GPR158: variants seen among roughly 807,000 people sequenced by gnomAD.
GPR158 encodes metabotropic glycine receptor.
Under a neutral mutation model 78.2 loss-of-function variants are expected in GPR158, and 30 were observed. That is an observed-to-expected ratio of 0.38 (90% CI 0.29 to 0.52). The LOEUF is 0.52. GPR158 is among the 20% of genes least tolerant of loss of function. The pLI, the probability that GPR158 is intolerant of heterozygous loss-of-function variation, is 0.83. For missense variants in GPR158, 1,463 were observed against 1,523.5 expected (o/e 0.96, Z 0.66); for synonymous variants, 581 against 591.1 (o/e 0.98, Z 0.25).
intron 1 of GPR158, among the ~76,000 whole-genome samples, chr10:25,217,820 C>G (rs2130678457): frequency 6.6e-6 from 1 of 152,270 alleles, no homozygotes; most frequent in Middle Eastern, 3.4e-3. Flanking sequence ...TGTAGCTAAG[C>G]ACCCAGGTGT....
chr10:25,427,340 T>C (rs1234726354), intron 4 of GPR158, among the ~76,000 whole-genome samples: 1 of 152,100 alleles, frequency 6.6e-6, no homozygotes, highest in Non-Finnish European at 1.5e-5. Flanking sequence ...TACTCCTACC[T>C]CTTGCTACAC....
At chr10:25,521,606 T>C (rs1836275629) in intron 5 of GPR158, among the ~76,000 whole-genome samples, 2 of 152,226 alleles carry the variant, frequency 1.3e-5, no homozygotes, top group African/African-American at 4.8e-5. Context: ...AAGAACCTTG[T>C]ATTGTCATAT....
chr10:25,442,879 T>A (rs1835086821), intron 4 of GPR158, among the ~76,000 whole-genome samples: 1 of 152,114 alleles, frequency 6.6e-6, no homozygotes, highest in South Asian at 2.1e-4. Flanking sequence ...CTCCTTCAAT[T>A]TATTCTTCAC....
rs773861324 is a variant in GPR158, at chr10:25,175,620, G to A, written c.200G>A (p.Gly67Asp). The A allele has an allele frequency of 5.6e-6, 9 of 1,611,046 alleles. No individual in the cohort carries two copies. Among genetic ancestry groups the A allele is most frequent in the Non-Finnish European group, 7.6e-6 (9 of 1,179,916 alleles). Residue 67 changes from glycine to aspartate, a missense_variant, in exon 1 of 11, where the codon GGC (glycine) becomes GAC (aspartate). Physicochemically the swap from Gly to Asp is moderately conservative, Grantham distance 94. Coordinates refer to ENST00000376351, the MANE Select transcript of GPR158 (RefSeq NM_020752.3). The surrounding 1 kb of genome is among the most constrained non-coding windows in gnomAD (Gnocchi z 6.4). Reference sequence around the variant, plus strand: ...GCTCCCTGGAGCCGCTCCACCGATGGCACCATCTTGGCGCAGAAACTCGCC... The same window carrying A: ...GCTCCCTGGAGCCGCTCCACCGATGACACCATCTTGGCGCAGAAACTCGCC... ...SSAPWSRSTD[G>D]TILAQKLAEE...
rs533645708 is a variant in GPR158 at position 25,370,939 on chromosome 10, T to C, written c.1009-24972T>C. On this transcript the variant is annotated intron_variant, in intron 2 of 10. Coordinates refer to ENST00000376351, the MANE Select transcript of GPR158 (RefSeq NM_020752.3). ...ATTAAGTAATGGTCTTCTTTGTCTC[T>C]TTTGATCTTTGCTGGTTTAAAGTCT... Among the ~76,000 whole-genome samples the C allele has an allele frequency of 5.2e-3, 786 of 150,836 alleles. 1 individual carries two copies. Among genetic ancestry groups the C allele is most frequent in the Non-Finnish European group, 7.9e-3 (531 of 67,636 alleles).
At chr10:25,256,923 C>G (rs1853896708) in intron 2 of GPR158, among the ~76,000 whole-genome samples, 1 of 151,958 alleles carries the variant, frequency 6.6e-6, no homozygotes, top group Non-Finnish European at 1.5e-5. Flanking sequence ...AGAGATAAAC[C>G]TAAAAGCCCT....
intron 3 of GPR158, among the ~76,000 whole-genome samples, chr10:25,401,447 A>C (rs1365241788): frequency 2.0e-5 from 3 of 152,104 alleles, no homozygotes; most frequent in African/African-American, 7.2e-5. Context: ...GGGACTAATG[A>C]AAAATGCGAA....
chr10:25,272,678 A>G (rs1232712360), intron 2 of GPR158, among the ~76,000 whole-genome samples: 1 of 152,200 alleles, frequency 6.6e-6, no homozygotes, highest in Non-Finnish European at 1.5e-5. Flanking sequence ...CCTGTACAAA[A>G]TGGAATGGAA....
intron 2 of GPR158, among the ~76,000 whole-genome samples, chr10:25,384,591 TACATAA>T: frequency 6.6e-6 from 1 of 152,340 alleles, no homozygotes; most frequent in South Asian, 2.1e-4. Context: ...GATTTGGAAT[TACATAA>T]ACTTTATTTA....
chr10:25,290,249 G>T (rs576457611), intron 2 of GPR158, among the ~76,000 whole-genome samples: 1 of 152,044 alleles, frequency 6.6e-6, no homozygotes, highest in East Asian at 1.9e-4. Context: ...AAAGAATTCC[G>T]TATACTATCT....
At chr10:25,559,762 G>A (rs957959145) in intron 6 of GPR158, among the ~76,000 whole-genome samples, 4 of 152,180 alleles carry the variant, frequency 2.6e-5, no homozygotes, top group African/African-American at 9.7e-5. Flanking sequence ...GTGCTATTTA[G>A]ATGGTTTTAA....
At chr10:25,448,083 CTTTTTTTTTT>C (rs35421884) in intron 4 of GPR158, among the ~76,000 whole-genome samples, 1 of 118,148 alleles carries the variant, frequency 8.5e-6, no homozygotes, top group African/African-American at 3.2e-5. Flanking sequence ...TGTCTGACTT[CTTTTTTTTTT>C]TTTTTTTTTG....
At chr10:25,395,685 G>A (rs976925135) in intron 2 of GPR158, among the ~76,000 whole-genome samples, 7 of 152,186 alleles carry the variant, frequency 4.6e-5, no homozygotes, top group Non-Finnish European at 8.8e-5. Context: ...AAGTAAAGAT[G>A]TGTGCAACTG....
chr10:25,442,388 A>G (rs993554316), intron 4 of GPR158, among the ~76,000 whole-genome samples: 1 of 152,184 alleles, frequency 6.6e-6, no homozygotes, highest in African/African-American at 2.4e-5. Context: ...AGACAGATGT[A>G]ACAAAGACAG....
At chr10:25,584,003 C>T (rs1343874608) in intron 7 of GPR158, among the ~76,000 whole-genome samples, 1 of 151,958 alleles carries the variant, frequency 6.6e-6, no homozygotes, top group Non-Finnish European at 1.5e-5. Flanking sequence ...TTGGCCCAGC[C>T]GTTTGAAAAA....
chr10:25,539,444 CT>C (rs1836544491), intron 5 of GPR158, among the ~76,000 whole-genome samples: 1 of 151,840 alleles, frequency 6.6e-6, no homozygotes, highest in Non-Finnish European at 1.5e-5. Context: ...ATCTACCAAG[CT>C]GTGAGTAGAA....
intron 4 of GPR158, among the ~76,000 whole-genome samples, chr10:25,453,761 G>T (rs925645992): frequency 6.6e-6 from 1 of 152,060 alleles, no homozygotes; most frequent in Admixed American, 6.5e-5. Context: ...TTATTTCTGG[G>T]CTCTCAATTC....
At chr10:25,276,138 T>A (rs1245589192) in intron 2 of GPR158, among the ~76,000 whole-genome samples, 2 of 152,172 alleles carry the variant, frequency 1.3e-5, no homozygotes, top group Non-Finnish European at 2.9e-5. Context: ...CGGCTTGAGG[T>A]TGAATTTGGT....
chr10:25,355,294 A>G (rs1855533822), intron 2 of GPR158, among the ~76,000 whole-genome samples: 1 of 151,910 alleles, frequency 6.6e-6, no homozygotes, highest in Non-Finnish European at 1.5e-5. Context: ...TGCATGAACT[A>G]TTCTGCTGCT....
Sources: gnomAD v4.1 joint callset for allele counts (sites outside exome capture counted in the v4.1 genomes callset) on GRCh38, gnomAD v4.1.1 for gene constraint, Gnocchi (gnomAD v3.1) non-coding constraint, MANE v1.5 for transcripts, NCBI Gene and HGNC (gene_info 2026-07-23, HGNC 2026-07-21) for gene names.